Variants in SENP3 observed in about 807,000 individuals in gnomAD.
SENP3 encodes sentrin-specific protease 3.
Under a neutral mutation model 66.2 loss-of-function variants are expected in SENP3, and 11 were observed. That is an observed-to-expected ratio of 0.17 (90% CI 0.10 to 0.28). SENP3 has a LOEUF of 0.28. Among genes scored for constraint, SENP3 ranks in the 10% least tolerant of loss-of-function variants. The pLI is 1.00. For synonymous variants in SENP3, 292 were observed against 277.6 expected (o/e 1.05, Z -0.52); for missense variants, 548 against 743.7 (o/e 0.74, Z 3.06).
chr17:7,566,077 C>T (rs1031480255), intron 6 of SENP3: 2 of 248,488 alleles, frequency 8.0e-6, no homozygotes, highest in Non-Finnish European at 1.6e-5. Context: ...CATGGTAGCT[C>T]ATGCCTGTAA....
chr17:7,571,346 C>G, intron 10 of SENP3, 27 bp from the exon 11 acceptor site: 2 of 1,555,962 alleles, frequency 1.3e-6, no homozygotes, highest in Non-Finnish European at 1.8e-6. Flanking sequence ...CGGGGGGTTT[C>G]TCATGGCTTG....
chr17:7,563,131 G>A lies in SENP3; in HGVS notation c.55G>A (p.Gly19Ser), dbSNP rs1378241017. Reference protein sequence around the residue: ...GSWGPEPPGPGIPPAYSSPRR... With the variant: ...GSWGPEPPGPSIPPAYSSPRR... ...CTGGGGGCCTGAGCCTCCTGGACCC[G>A]GCATACCCCCAGCTTACTCAAGTCC... The change falls in exon 2 of 11, where the codon GGC becomes AGC. Residue 19 changes from glycine (G) to serine (S), a missense_variant. By Grantham distance (56) the Gly-to-Ser change is moderately conservative. Coordinates refer to ENST00000321337, the MANE Select transcript of SENP3 (RefSeq NM_015670.6). 2.6e-6 allele frequency: 4 copies of A among 1,531,322 alleles called. No individual in the cohort carries two copies. Among genetic ancestry groups the A allele is most frequent in the Non-Finnish European group, 3.5e-6 (4 of 1,141,338 alleles). The allele number at this position is 1,531,322 out of a possible 1,614,324, so 94.9% of individuals were successfully genotyped here.
In SENP3 at chr17:7,571,549, C is replaced by T; in HGVS notation, c.*66C>T. 9.2e-7 allele frequency: 1 copy of T among 1,089,898 alleles called. No individual in the cohort carries two copies. Among genetic ancestry groups the T allele is most frequent in the Non-Finnish European group, 1.4e-6 (1 of 715,716 alleles). The allele number at this position is 1,089,898 out of a possible 1,614,324, so 67.5% of individuals were successfully genotyped here. A position where few individuals can be genotyped will look rare whatever the true frequency, so the allele number is the denominator to read the frequency against. On this transcript the variant is annotated 3_prime_UTR_variant, in exon 11 of 11. Coordinates refer to ENST00000321337, the MANE Select transcript of SENP3 (RefSeq NM_015670.6). ...GACATGGGAGTCCCTTCCCAAGAAA[C>T]TCCAGTTCCTTTCCTCTCTTGCCTC...
intron 6 of SENP3, among the ~76,000 whole-genome samples, chr17:7,566,698 A>C (rs1434546828): frequency 6.7e-6 from 1 of 149,970 alleles, no homozygotes; most frequent in Non-Finnish European, 1.5e-5. Context: ...TGGTTTGTTG[A>C]CTCATACCTA....
At chr17:7,568,336 G>T (rs538963220) in intron 7 of SENP3, among the ~76,000 whole-genome samples, 1 of 152,246 alleles carries the variant, frequency 6.6e-6, no homozygotes, top group Non-Finnish European at 1.5e-5. Flanking sequence ...GGCGGCTCAC[G>T]CCTGTACTCC....
chr17:7,569,197 A>G lies in SENP3; in HGVS notation c.1342-1159A>G, dbSNP rs1037318694. Among the ~76,000 whole-genome samples the G allele has an allele frequency of 7.2e-5, 11 of 151,982 alleles. No homozygotes were observed. The East Asian group carries it at 1.7e-3, about 24-fold the overall frequency. ...TCAGGAGATCAAGACCATCCTGGCT[A>G]ACACAGTGAAACCCTGTCTCTACTA... On this transcript the variant is annotated intron_variant, in intron 7 of 10. Coordinates refer to ENST00000321337, the MANE Select transcript of SENP3 (RefSeq NM_015670.6).
rs973795502 is a variant in SENP3, at chr17:7,571,249, A to T, written c.1615-124A>T. ...TAGAGTCAGGCTGTTTTTGAACCCC[A>T]GGCTGTGGGACCCTGGCTCCCTTTG... On this transcript the variant is annotated intron_variant, in intron 10 of 10. Coordinates refer to ENST00000321337, the MANE Select transcript of SENP3 (RefSeq NM_015670.6). 1.1e-5 allele frequency: 8 copies of T among 704,226 alleles called. No homozygotes were observed. In the Admixed American group the frequency reaches 2.2e-4, roughly 20 times the overall value. 43.6% of individuals were successfully genotyped at this position (704,226 alleles called of 1,614,324 possible). A position where few individuals can be genotyped will look rare whatever the true frequency, so the allele number is the denominator to read the frequency against.
At chr17:7,565,843 T>C in intron 6 of SENP3, 79 bp downstream of exon 6, 1 of 1,258,134 alleles carries the variant, frequency 7.9e-7, no homozygotes, top group East Asian at 2.3e-5. Flanking sequence ...TTCATCTCTT[T>C]CATTTTACAC....
chr17:7,565,360 T>C, intron 4 of SENP3, 80 bp from the exon 5 acceptor site: 3 of 1,526,438 alleles, frequency 2.0e-6, no homozygotes, highest in East Asian at 2.4e-5. Context: ...AGTTAGAATT[T>C]GTATTCCAGG....
At chr17:7,565,132 T>C in intron 4 of SENP3, 62 bp downstream of exon 4, 1 of 1,238,454 alleles carries the variant, frequency 8.1e-7, no homozygotes, top group East Asian at 2.5e-5. Flanking sequence ...GAGAGAATAC[T>C]GCTGCCTTTT....
intron 7 of SENP3, among the ~76,000 whole-genome samples, chr17:7,567,853 C>T (rs1279833972): frequency 6.6e-6 from 1 of 152,014 alleles, no homozygotes; most frequent in Non-Finnish European, 1.5e-5. Flanking sequence ...TTTAAGCAGG[C>T]TGAGAAGTGC....
intron 6 of SENP3, among the ~76,000 whole-genome samples, chr17:7,566,470 A>C (rs1031343211): frequency 6.6e-6 from 1 of 152,070 alleles, no homozygotes; most frequent in Non-Finnish European, 1.5e-5. Flanking sequence ...AGCCTGGCCA[A>C]CATGGTGAAA....
At chr17:7,564,551 G>A (rs1324647585) in intron 2 of SENP3, 74 bp from the exon 3 acceptor site, 2 of 1,580,716 alleles carry the variant, frequency 1.3e-6, no homozygotes, top group Non-Finnish European at 1.7e-6. Flanking sequence ...GCATGCATGA[G>A]TCAACTGTGT....
chr17:7,564,969 C>T lies in SENP3; in HGVS notation c.966C>T (p.Asp322=), dbSNP rs546618207. ...CTCCCTTTCCACCAGGCATCTTGGA[C>T]GAATTCCTTCAAACGTATGGCAGCC... is the stretch of plus-strand genomic sequence containing the variant. ...EHVTCVQSIL[D]EFLQTYGSLI... The change falls in exon 4 of 11, where the codon GAC becomes GAT. Residue 322 remains aspartate (D), a synonymous_variant. Coordinates refer to ENST00000321337, the MANE Select transcript of SENP3 (RefSeq NM_015670.6). 32 of 1,612,618 alleles carry T rather than the reference C, an allele frequency of 2.0e-5. No individual in the cohort carries two copies. The East Asian group carries it at 3.1e-4, about 16-fold the overall frequency.
chr17:7,564,087 T>C (rs1384716312), intron 2 of SENP3, among the ~76,000 whole-genome samples: 2 of 152,148 alleles, frequency 1.3e-5, no homozygotes, highest in African/African-American at 4.8e-5. Context: ...AAAAATCCTG[T>C]CCACACGAAA....
chr17:7,570,472 C>G lies in SENP3; in HGVS notation c.1458C>G (p.Thr486=). ...TCACCTATTTTGACTCGCAGCGTACCCTAAACCGCCGCTGCCCTAAGGTTT... is the reference window on the plus strand; with the variant it reads ...TCACCTATTTTGACTCGCAGCGTACGCTAAACCGCCGCTGCCCTAAGGTTT... The part of the protein sequence containing the change: ...RTITYFDSQR[T]LNRRCPKHIA... Residue 486 remains threonine, a synonymous_variant, in exon 8 of 11, where the codon ACC becomes ACG. Transcript: ENST00000321337. This position sits in a 1 kb window ranked among gnomAD's most constrained non-coding sequence, Gnocchi z 5.4. 1 of 1,612,360 alleles carries G rather than the reference C, an allele frequency of 6.2e-7. No homozygotes were observed. Among genetic ancestry groups the G allele is most frequent in the Non-Finnish European group, 8.5e-7 (1 of 1,179,432 alleles).
Position 7,562,057 on chromosome 17 carries a change from G to A in SENP3, c.-218G>A, listed in dbSNP as rs2071219929. The A allele has an allele frequency of 2.5e-6, 1 of 401,508 alleles. No homozygotes were observed. The highest frequency in any genetic ancestry group is 2.1e-5 in the African/African-American group (1 of 48,718). The allele number at this position is 401,508 out of a possible 1,614,324, so 24.9% of individuals were successfully genotyped here. A position where few individuals can be genotyped will look rare whatever the true frequency, so the allele number is the denominator to read the frequency against. The stretch of plus-strand genomic sequence containing the variant: ...GGAGGTGGAGGTGGAGGTGGAAGCT[G>A]AAGCTGAAGCAGAGCCAGAGGCGGC... On this transcript the variant is annotated 5_prime_UTR_variant, in exon 1 of 11. Coordinates refer to ENST00000321337, the MANE Select transcript of SENP3 (RefSeq NM_015670.6). This position sits in a 1 kb window ranked among gnomAD's most constrained non-coding sequence, Gnocchi z 5.0.
intron 2 of SENP3, 30 bp downstream of exon 2, chr17:7,563,821 G>T: frequency 1.4e-6 from 2 of 1,458,278 alleles, no homozygotes; most frequent in South Asian, 1.2e-5. Flanking sequence ...TGGGGTTGCG[G>T]GGGAGGGGTT....
rs1236571852 is a variant in SENP3 at position 7,562,653 on chromosome 17, G to A, written c.-12+390G>A. Reference sequence around the variant, plus strand: ...TGTTAGAGAACTGTCTCCCATTCCAGTCCAGTTTCCACGTGCAAGTTGCAT... The same window carrying A: ...TGTTAGAGAACTGTCTCCCATTCCAATCCAGTTTCCACGTGCAAGTTGCAT... On this transcript the variant is annotated intron_variant, in intron 1 of 10. Transcript: ENST00000321337. This position sits in a 1 kb window ranked among gnomAD's most constrained non-coding sequence, Gnocchi z 5.0. Among the ~76,000 whole-genome samples, 1 of 152,128 alleles carries A rather than the reference G, an allele frequency of 6.6e-6. No homozygotes were observed. The highest frequency in any genetic ancestry group is 2.4e-5 in the African/African-American group (1 of 41,406).
Sources: gnomAD v4.1 joint callset for allele counts (sites outside exome capture counted in the v4.1 genomes callset) on GRCh38, gnomAD v4.1.1 for gene constraint, Gnocchi (gnomAD v3.1) non-coding constraint, MANE v1.5 for transcripts, NCBI Gene and HGNC (gene_info 2026-07-23, HGNC 2026-07-21) for gene names.